SNAPC1: variants seen among roughly 807,000 people sequenced by gnomAD.
The protein encoded by SNAPC1 is snRNA-activating protein complex subunit 1.
In SNAPC1, 42 loss-of-function variants were observed where a neutral mutation model predicts 50.1. The observed-to-expected ratio is 0.84, with a 90% CI of 0.65 to 1.08. SNAPC1 has a LOEUF of 1.08. SNAPC1 is among the 50% of genes least tolerant of loss of function. The pLI is 0.00. For missense variants in SNAPC1, 477 were observed against 427.3 expected (o/e 1.12, Z -1.02); for synonymous variants, 164 against 144.2 (o/e 1.14, Z -0.98).
At chr14:61,791,030 A>C (rs776400669) in intron 8 of SNAPC1, among the ~76,000 whole-genome samples, 6 of 152,118 alleles carry the variant, frequency 3.9e-5, no homozygotes, top group Non-Finnish European at 8.8e-5. Context: ...TTCCCTCCCG[A>C]GATGGAGTCT....
Position 61,776,182 on chromosome 14 carries a change from A to T in SNAPC1, c.622A>T (p.Ile208Leu). The change falls in exon 5 of 10, where the codon ATA (isoleucine) becomes TTA (leucine). Residue 208 changes from isoleucine to leucine, a missense_variant. Ile to Leu is a conservative substitution (Grantham distance 5). Transcript: ENST00000216294. The part of the protein sequence containing the change: ...KSKPDKALSL[I>L]KDDFFDNIKN... ...CAAGCCAGATAAAGCCCTCAGCTTG[A>T]TAAAGGATGATTTTTTTGACAATAT... The T allele has an allele frequency of 6.2e-7, 1 of 1,612,800 alleles. No individual in the cohort carries two copies. The highest frequency in any genetic ancestry group is 8.5e-7 in the Non-Finnish European group (1 of 1,179,298).
intron 8 of SNAPC1, among the ~76,000 whole-genome samples, chr14:61,790,406 G>T (rs1428094821): frequency 6.6e-6 from 1 of 152,114 alleles, no homozygotes; most frequent in Non-Finnish European, 1.5e-5. Context: ...CACGATCTCG[G>T]CTCACTGCAA....
At position 61,782,546 on chromosome 14, in the gene SNAPC1, G is replaced by T. The variant is rs574896321; in HGVS notation, c.976+149G>T. The T allele has an allele frequency of 8.3e-6, 5 of 600,696 alleles. No homozygotes were observed. The African/African-American group carries it at 9.4e-5, about 11-fold the overall frequency. The allele number at this position is 600,696 out of a possible 1,614,324, so 37.2% of individuals were successfully genotyped here. A position where few individuals can be genotyped will look rare whatever the true frequency, so the allele number is the denominator to read the frequency against. ...TTAATATTAAAAATAAATTCTGTTA[G>T]ATTCTTGGAATCTTATTGCTTGAAA... On this transcript the variant is annotated intron_variant, in intron 8 of 9. Transcript: ENST00000216294.
In SNAPC1 at chr14:61,762,420, A is replaced by AGCGGCGTGCGGGCTTCG; in HGVS notation, c.-40_-39insCGGCGTGCGGGCTTCGG. ...GGCGACCACCGCTGGCTAGTCCGTTAGAGGCGTGCGGGCTTCGGAGGCGTG... is the reference window on the plus strand; with the variant it reads ...GGCGACCACCGCTGGCTAGTCCGTTAGCGGCGTGCGGGCTTCGGAGGCGTGCGGGCTTCGGAGGCGTG... On this transcript the variant is annotated 5_prime_UTR_variant, in exon 1 of 10. Coordinates refer to ENST00000216294, the MANE Select transcript of SNAPC1 (RefSeq NM_003082.4). 7.2e-7 allele frequency: 1 copy of AGCGGCGTGCGGGCTTCG among 1,387,534 alleles called. No homozygotes were observed. The highest frequency in any genetic ancestry group is 9.8e-7 in the Non-Finnish European group (1 of 1,015,942). The allele number at this position is 1,387,534 out of a possible 1,614,324, so 86.0% of individuals were successfully genotyped here. A position where few individuals can be genotyped will look rare whatever the true frequency, so the allele number is the denominator to read the frequency against.
intron 9 of SNAPC1, among the ~76,000 whole-genome samples, 173 bp downstream of exon 9, chr14:61,793,075 T>G (rs1034644461): frequency 6.6e-6 from 1 of 152,206 alleles, no homozygotes; most frequent in South Asian, 2.1e-4. Flanking sequence ...CATCTCAAAG[T>G]CAGGGATAAT....
intron 5 of SNAPC1, 91 bp from the exon 6 acceptor site, chr14:61,777,981 G>T: frequency 1.7e-6 from 1 of 590,370 alleles, no homozygotes. Context: ...TATTAAAAAT[G>T]ATTTCTCACC....
intron 7 of SNAPC1, among the ~76,000 whole-genome samples, chr14:61,780,932 C>A (rs1167962453): frequency 1.3e-5 from 2 of 151,792 alleles, no homozygotes; most frequent in African/African-American, 4.8e-5. Context: ...GACTTTTTTC[C>A]TTGCCATTAT....
At chr14:61,769,794 T>C in intron 4 of SNAPC1, among the ~76,000 whole-genome samples, 1 of 152,212 alleles carries the variant, frequency 6.6e-6, no homozygotes, top group Non-Finnish European at 1.5e-5. Context: ...GTGTACAGTA[T>C]TGGGAAAAAT....
chr14:61,784,042 A>G (rs1211978456), intron 8 of SNAPC1, among the ~76,000 whole-genome samples: 1 of 152,194 alleles, frequency 6.6e-6, no homozygotes, highest in Non-Finnish European at 1.5e-5. Context: ...TTTCCCCTAT[A>G]TTGAAGCAGT....
chr14:61,783,748 C>T (rs1039457291), intron 8 of SNAPC1, among the ~76,000 whole-genome samples: 2 of 151,994 alleles, frequency 1.3e-5, no homozygotes, highest in Non-Finnish European at 2.9e-5. Context: ...CTATGTTGGC[C>T]AGGCTGGTCT....
In SNAPC1 at chr14:61,772,000, A is replaced by C. The variant is rs371192731; in HGVS notation, c.534+3260A>C. Among the ~76,000 whole-genome samples the C allele has an allele frequency of 8.5e-5, 13 of 152,354 alleles. No homozygotes were observed. The East Asian group carries it at 1.9e-3, about 23-fold the overall frequency. ...AAGTTGAGAAATGCTGATGTGAATC[A>C]TGAAGAGAGAGGCATAGGACATTTT... is the stretch of plus-strand genomic sequence containing the variant. On this transcript the variant is annotated intron_variant, in intron 4 of 9. Coordinates refer to ENST00000216294, the MANE Select transcript of SNAPC1 (RefSeq NM_003082.4).
chr14:61,767,122 T>C, intron 2 of SNAPC1, 87 bp downstream of exon 2: 2 of 1,114,178 alleles, frequency 1.8e-6, no homozygotes, highest in African/African-American at 1.6e-5. Context: ...TTAAATATGA[T>C]TTAAATAAAA....
intron 4 of SNAPC1, among the ~76,000 whole-genome samples, chr14:61,773,875 T>C (rs191952383): frequency 9.2e-5 from 14 of 151,796 alleles, no homozygotes; most frequent in Admixed American, 1.3e-4. Context: ...GCCTGGCTAA[T>C]TTTTTGTATT....
intron 4 of SNAPC1, among the ~76,000 whole-genome samples, chr14:61,769,242 C>T (rs1025691080): frequency 4.6e-4 from 70 of 151,984 alleles, no homozygotes; most frequent in African/African-American, 1.6e-3. Flanking sequence ...TCTGTGGTCC[C>T]AGCTACTGGG....
At chr14:61,786,658 G>A (rs762415974) in intron 8 of SNAPC1, among the ~76,000 whole-genome samples, 5 of 152,168 alleles carry the variant, frequency 3.3e-5, no homozygotes, top group Non-Finnish European at 7.4e-5. Flanking sequence ...GATGAAAAAA[G>A]CTGTTGAGGA....
intron 4 of SNAPC1, among the ~76,000 whole-genome samples, chr14:61,769,041 G>A (rs1423803964): frequency 6.6e-6 from 1 of 152,134 alleles, no homozygotes; most frequent in East Asian, 1.9e-4. Flanking sequence ...AGAGTTTAAA[G>A]TGACTTTACT....
chr14:61,783,071 G>A (rs1380896907), intron 8 of SNAPC1, among the ~76,000 whole-genome samples: 2 of 140,080 alleles, frequency 1.4e-5, no homozygotes, highest in Non-Finnish European at 3.0e-5. Context: ...TGCCCAGGCC[G>A]GAGTGCAATG....
chr14:61,762,981 CTTTTTTT>C (rs145378546), intron 1 of SNAPC1, among the ~76,000 whole-genome samples: 767 of 73,030 alleles, frequency 0.011, 3 homozygotes, highest in South Asian at 0.039. Context: ...CCAAAGTTGT[CTTTTTTT>C]TTTTTTTTTT....
intron 4 of SNAPC1, among the ~76,000 whole-genome samples, chr14:61,772,270 C>T (rs1462248818): frequency 1.3e-5 from 2 of 151,516 alleles, no homozygotes; most frequent in Non-Finnish European, 2.9e-5. Flanking sequence ...TTTTCCGAGA[C>T]GGTGTCTTGC....
Sources: allele counts gnomAD v4.1 joint callset (sites outside exome capture counted in the v4.1 genomes callset), GRCh38; gene constraint gnomAD v4.1.1; transcripts MANE v1.5; gene names NCBI Gene and HGNC (gene_info 2026-07-23, HGNC 2026-07-21).